The following MAGI2 variants were observed in gnomAD, a reference collection of about 807,000 sequenced individuals.
The protein encoded by MAGI2 is membrane-associated guanylate kinase, WW and PDZ domain-containing protein 2.
A neutral mutation model predicts 133.3 loss-of-function variants in MAGI2; 35 were observed. The observed-to-expected ratio is 0.26, with a 90% confidence interval of 0.20 to 0.35. MAGI2 has a LOEUF of 0.35. MAGI2 is among the 10% of genes least tolerant of loss of function. The probability of loss-of-function intolerance (pLI) is 1.00; values close to 1 mark genes in which losing one functional copy is unlikely to be tolerated. For missense variants in MAGI2, 1,636 were observed against 1,863.4 expected, an observed-to-expected ratio of 0.88 and a Z score of 2.25; for synonymous variants, 729 against 710.6, an observed-to-expected ratio of 1.03 and a Z score of -0.41.
chr7:78,646,079 A>T (rs777857115), intron 2 of MAGI2, among the ~76,000 whole-genome samples: 12 of 152,170 alleles, frequency 7.9e-5, no homozygotes, highest in Non-Finnish European at 1.8e-4. Flanking sequence ...GATGAACACC[A>T]AACCAAGTAA....
chr7:79,209,173 T>G (rs1194645020), intron 1 of MAGI2, among the ~76,000 whole-genome samples: 2 of 151,884 alleles, frequency 1.3e-5, no homozygotes, highest in Non-Finnish European at 2.9e-5. Context: ...GGATATAAAG[T>G]GTTCTCACTA....
intron 2 of MAGI2, among the ~76,000 whole-genome samples, chr7:78,826,278 C>T (rs1321539580): frequency 6.7e-6 from 1 of 149,692 alleles, no homozygotes; most frequent in African/African-American, 2.5e-5. Context: ...GGCATGAACC[C>T]GGGAGGCGGA....
chr7:79,328,541 T>A (rs951660669), intron 1 of MAGI2, among the ~76,000 whole-genome samples: 1 of 152,224 alleles, frequency 6.6e-6, no homozygotes, highest in Non-Finnish European at 1.5e-5. Flanking sequence ...AGACATATTA[T>A]GTACATTAAA....
intron 10 of MAGI2, among the ~76,000 whole-genome samples, chr7:78,246,314 T>C (rs1019169078): frequency 1.3e-5 from 2 of 151,936 alleles, no homozygotes; most frequent in African/African-American, 4.8e-5. Context: ...TGGGAAATGA[T>C]GTCTTGGCCA....
intron 1 of MAGI2, among the ~76,000 whole-genome samples, chr7:79,238,262 C>A (rs1010863173): frequency 1.4e-4 from 22 of 151,976 alleles, no homozygotes; most frequent in Admixed American, 3.9e-4. Flanking sequence ...CCATTTGTTT[C>A]CAGAATTATT....
At chr7:78,296,001 C>T (rs1584765994) in intron 9 of MAGI2, among the ~76,000 whole-genome samples, 1 of 152,114 alleles carries the variant, frequency 6.6e-6, no homozygotes. Context: ...TGTATTTACT[C>T]TATGTCTCAC....
chr7:78,639,419 G>A (rs886432401), intron 2 of MAGI2, among the ~76,000 whole-genome samples: 2 of 152,118 alleles, frequency 1.3e-5, no homozygotes, highest in Non-Finnish European at 2.9e-5. Flanking sequence ...AAGAGAGGGA[G>A]GAGTGAAATA....
At chr7:79,389,538 A>G (rs943240475) in intron 1 of MAGI2, among the ~76,000 whole-genome samples, 1 of 152,162 alleles carries the variant, frequency 6.6e-6, no homozygotes, top group Non-Finnish European at 1.5e-5. Context: ...ATTTTTAAAT[A>G]ATGCCTATGT....
intron 6 of MAGI2, among the ~76,000 whole-genome samples, chr7:78,370,329 G>C (rs1793792902): frequency 6.6e-6 from 1 of 152,030 alleles, no homozygotes; most frequent in South Asian, 2.1e-4. Context: ...GTCATTCAAT[G>C]TGAATGTGTG....
intron 1 of MAGI2, among the ~76,000 whole-genome samples, chr7:79,332,843 A>G (rs1840184124): frequency 6.6e-6 from 1 of 152,196 alleles, no homozygotes; most frequent in Non-Finnish European, 1.5e-5. Flanking sequence ...TTTTGGTTAA[A>G]CTCATTCATC....
intron 3 of MAGI2, among the ~76,000 whole-genome samples, chr7:78,607,513 A>T (rs187981263): frequency 1.0e-4 from 15 of 150,114 alleles, no homozygotes; most frequent in Non-Finnish European, 1.8e-4. Flanking sequence ...AAAAAAAAAA[A>T]AGAGAGTCTC....
At chr7:78,250,417 T>C (rs1360608380) in intron 10 of MAGI2, among the ~76,000 whole-genome samples, 1 of 152,084 alleles carries the variant, frequency 6.6e-6, no homozygotes, top group Non-Finnish European at 1.5e-5. Context: ...AAATTTATAG[T>C]TTTAAGTGAT....
chr7:78,831,174 T>C (rs1044137125), intron 2 of MAGI2, among the ~76,000 whole-genome samples: 1 of 152,104 alleles, frequency 6.6e-6, no homozygotes, highest in Non-Finnish European at 1.5e-5. Context: ...AGCCACACCA[T>C]AGTTTCATTA....
chr7:78,906,944 C>T (rs1798037363), intron 2 of MAGI2, among the ~76,000 whole-genome samples: 1 of 151,580 alleles, frequency 6.6e-6, no homozygotes, highest in Non-Finnish European at 1.5e-5. Context: ...TTAAGCAGGG[C>T]TGAGTGTTGT....
rs763962443 is a variant in MAGI2 at position 78,019,242 on chromosome 7, T to G, written c.*73A>C. On this transcript the variant is annotated 3_prime_UTR_variant, in exon 22 of 22. Coordinates refer to ENST00000354212, the MANE Select transcript of MAGI2 (RefSeq NM_012301.4). Reference sequence around the variant, plus strand: ...TATGCGTGTGACAGTGAAAATAAATTAAAACGCCGTGAGACGGAACCTAAG... The same window carrying G: ...TATGCGTGTGACAGTGAAAATAAATGAAAACGCCGTGAGACGGAACCTAAG... The G allele has an allele frequency of 6.5e-7, 1 of 1,533,166 alleles. No individual in the cohort carries two copies. The highest frequency in any genetic ancestry group is 1.2e-5 in the South Asian group (1 of 84,590). 95.0% of individuals were successfully genotyped at this position (1,533,166 alleles called of 1,614,324 possible).
intron 2 of MAGI2, among the ~76,000 whole-genome samples, chr7:78,760,701 T>C (rs570464498): frequency 1.3e-5 from 2 of 152,316 alleles, no homozygotes; most frequent in East Asian, 1.9e-4. Flanking sequence ...TTTCCTCTTT[T>C]GCTTTGTATG....
At chr7:78,695,935 T>G (rs10237271) in intron 2 of MAGI2, among the ~76,000 whole-genome samples, 57,459 of 151,862 alleles carry the variant, frequency 0.38, 11,370 homozygotes, top group Middle Eastern at 0.46. Context: ...TAGTTCATTT[T>G]TTTTTTCTTT....
chr7:79,384,587 A>G (rs900809517), intron 1 of MAGI2, among the ~76,000 whole-genome samples: 1 of 151,656 alleles, frequency 6.6e-6, no homozygotes, highest in Non-Finnish European at 1.5e-5. Flanking sequence ...AATAGATAAC[A>G]TACTATGGTT....
At chr7:78,662,047 C>T (rs187076480) in intron 2 of MAGI2, among the ~76,000 whole-genome samples, 1 of 152,196 alleles carries the variant, frequency 6.6e-6, no homozygotes, top group African/African-American at 2.4e-5. Context: ...CACAGATCTG[C>T]AGACATAAAC....
Sources: gnomAD v4.1 joint callset for allele counts (sites outside exome capture counted in the v4.1 genomes callset) on GRCh38, gnomAD v4.1.1 for gene constraint, MANE v1.5 for transcripts, NCBI Gene and HGNC (gene_info 2026-07-23, HGNC 2026-07-21) for gene names.